Variants in CCNDBP1 observed in about 807,000 individuals in gnomAD.
CCNDBP1 encodes cyclin D1 binding protein 1.
Under a neutral mutation model 46.2 loss-of-function variants are expected in CCNDBP1, and 45 were observed. That is an observed-to-expected ratio of 0.97 (90% confidence interval 0.77 to 1.25). The LOEUF is 1.25. CCNDBP1 is among the 50% of genes most tolerant of loss of function. The pLI is 0.00. For synonymous variants in CCNDBP1, 154 were observed against 163.6 expected (o/e 0.94, Z 0.45); for missense variants, 436 against 442.1 (o/e 0.99, Z 0.12).
intron 6 of CCNDBP1, 54 bp from the exon 7 acceptor site, chr15:43,190,912 G>A: frequency 7.1e-7 from 1 of 1,400,428 alleles, no homozygotes; most frequent in Non-Finnish European, 1.0e-6. Context: ...GCAGTCATAA[G>A]AAAATTGTTG....
intron 2 of CCNDBP1, 28 bp from the exon 3 acceptor site, chr15:43,186,126 A>ACCTG (rs769235234): frequency 2.5e-6 from 4 of 1,605,690 alleles, no homozygotes; most frequent in Non-Finnish European, 2.6e-6. Flanking sequence ...ACGTATTGGC[A>ACCTG]CCTGCCTCCT....
chr15:43,187,245 A>G (rs2041866763), intron 3 of CCNDBP1, among the ~76,000 whole-genome samples: 1 of 150,218 alleles, frequency 6.7e-6, no homozygotes, highest in Non-Finnish European at 1.5e-5. Flanking sequence ...ACAGTGATAA[A>G]CTCTCTCCTC....
At position 43,185,575 on chromosome 15, in the gene CCNDBP1, A is replaced by G; in HGVS notation, c.77A>G (p.Glu26Gly). The stretch of plus-strand genomic sequence containing the variant: ...TTGGAGCAGCTCCGGCACTTGGCGG[A>G]GGAGCTGCGGTTGCTCCTGCCTCGA... The part of the protein sequence containing the change: ...SPLEQLRHLA[E>G]ELRLLLPRVR... Residue 26 changes from glutamate to glycine, a missense_variant, in exon 1 of 11, where the codon GAG (glutamate) becomes GGG (glycine). Coordinates refer to ENST00000300213, the MANE Select transcript of CCNDBP1 (RefSeq NM_012142.5). The G allele has an allele frequency of 6.4e-7, 1 of 1,573,748 alleles. No homozygotes were observed. Among genetic ancestry groups the G allele is most frequent in the Non-Finnish European group, 8.6e-7 (1 of 1,162,356 alleles).
At chr15:43,192,826 T>A in intron 9 of CCNDBP1, 23 bp downstream of exon 9, 4 of 1,607,004 alleles carry the variant, frequency 2.5e-6, no homozygotes, top group Non-Finnish European at 3.4e-6. Flanking sequence ...TTTGAGGGAA[T>A]AGCTACAGAA....
chr15:43,197,133 G>T lies in CCNDBP1; in HGVS notation c.*2292G>T. On this transcript the variant is annotated 3_prime_UTR_variant, in exon 11 of 11. Transcript: ENST00000300213. ...TGAAGCCCTCACTGTTTCTTGTACA[G>T]CCTGCAGAGCCGTGAGCCAAATAAA... The T allele has an allele frequency of 1.1e-6, 1 of 889,470 alleles. No homozygotes were observed. Among genetic ancestry groups the T allele is most frequent in the Non-Finnish European group, 1.7e-6 (1 of 571,550 alleles). 55.1% of individuals were successfully genotyped at this position (889,470 alleles called of 1,614,324 possible). A position where few individuals can be genotyped will look rare whatever the true frequency, so the allele number is the denominator to read the frequency against.
At position 43,191,242 on chromosome 15, in the gene CCNDBP1, G is replaced by C. The variant is rs1267330682; in HGVS notation, c.580-153G>C. On this transcript the variant is annotated intron_variant, in intron 7 of 10. Transcript: ENST00000300213. The stretch of plus-strand genomic sequence containing the variant: ...TACTGGACAAGGAGAGCGAGAACAG[G>C]GTTTATGAAGTGATTCAACTCTGTA... Among the ~76,000 whole-genome samples the C allele has an allele frequency of 3.9e-5, 6 of 152,214 alleles. No individual in the cohort carries two copies. In the East Asian group the frequency reaches 1.2e-3, roughly 29 times the overall value.
At chr15:43,185,993 G>A (rs2041819990) in intron 2 of CCNDBP1, 114 bp downstream of exon 2, 2 of 1,211,436 alleles carry the variant, frequency 1.7e-6, no homozygotes, top group Non-Finnish European at 2.4e-6. Context: ...CATCCTTTCT[G>A]TGAGGTACCT....
At position 43,185,518 on chromosome 15, in the gene CCNDBP1, C is replaced by T. The variant is rs777655444; in HGVS notation, c.20C>T (p.Pro7Leu). Reference sequence around the variant, plus strand: ...ACTGAGATGGCGAGCGCAACTGCACCTGCAGCCGCAGTCCCCACCCTGGCT... The same window carrying T: ...ACTGAGATGGCGAGCGCAACTGCACTTGCAGCCGCAGTCCCCACCCTGGCT... MASATAPAAAVPTLASP... is the reference protein window; with the variant it reads MASATALAAAVPTLASP... Residue 7 changes from proline (P) to leucine (L), a missense_variant, in exon 1 of 11, where the codon CCT becomes CTT. By Grantham distance (98) the Pro-to-Leu change is moderately conservative. Coordinates refer to ENST00000300213, the MANE Select transcript of CCNDBP1 (RefSeq NM_012142.5). 35 of 1,595,100 alleles carry T rather than the reference C, an allele frequency of 2.2e-5. No homozygotes were observed. The African/African-American group carries it at 3.6e-4, about 16-fold the overall frequency.
At chr15:43,190,921 T>G in intron 6 of CCNDBP1, 45 bp from the exon 7 acceptor site, 2 of 1,470,724 alleles carry the variant, frequency 1.4e-6, no homozygotes, top group Non-Finnish European at 9.5e-7. Flanking sequence ...AGAAAATTGT[T>G]GGATTTCTCC....
At chr15:43,186,072 A>C in intron 2 of CCNDBP1, 82 bp from the exon 3 acceptor site, 2 of 1,366,142 alleles carry the variant, frequency 1.5e-6, no homozygotes, top group Admixed American at 1.7e-5. Flanking sequence ...GTTTTTGAGA[A>C]GTCTCGGTCG....
intron 8 of CCNDBP1, among the ~76,000 whole-genome samples, chr15:43,192,458 A>G (rs2041969162): frequency 6.6e-6 from 1 of 152,196 alleles, no homozygotes; most frequent in Non-Finnish European, 1.5e-5. Flanking sequence ...TGCCTATATT[A>G]GTTATTAAAC....
In CCNDBP1 at chr15:43,185,816, CA is replaced by C; in HGVS notation, c.110-2del. ...GTTCGGCCCCCACACGCCACACCCA[CA>C]AGTCGGCGAAGCCCAGGAGACCACC... On this transcript the variant is annotated splice_region_variant and splice_polypyrimidine_tract_variant and intron_variant, in intron 1 of 10. Transcript: ENST00000300213. 1 of 1,610,588 alleles carries C rather than the reference CA, an allele frequency of 6.2e-7. No homozygotes were observed. The highest frequency in any genetic ancestry group is 1.1e-5 in the South Asian group (1 of 91,006).
chr15:43,189,850 C>A (rs1444267732), intron 4 of CCNDBP1: 4 of 539,926 alleles, frequency 7.4e-6, no homozygotes, highest in Non-Finnish European at 1.3e-5. Context: ...TGTTCCAAAT[C>A]TCTTTTGAAG....
intron 6 of CCNDBP1, among the ~76,000 whole-genome samples, 183 bp from the exon 7 acceptor site, chr15:43,190,783 C>T (rs1026689534): frequency 6.6e-6 from 1 of 152,128 alleles, no homozygotes; most frequent in African/African-American, 2.4e-5. Flanking sequence ...GAATAAAATA[C>T]AAGCTTTTTA....
chr15:43,185,545 C>T lies in CCNDBP1; in HGVS notation c.47C>T (p.Ser16Leu), dbSNP rs1215165011. ...APAAAVPTLA[S>L]PLEQLRHLAE... is the part of the protein sequence containing the mutation. ...GCAGCCGCAGTCCCCACCCTGGCTT[C>T]GCCTTTGGAGCAGCTCCGGCACTTG... Residue 16 changes from serine (S) to leucine (L), a missense_variant, in exon 1 of 11, where the codon TCG becomes TTG. Transcript: ENST00000300213. 1 of 1,596,416 alleles carries T rather than the reference C, an allele frequency of 6.3e-7. No homozygotes were observed.
chr15:43,190,487 T>A (rs1328337340), intron 6 of CCNDBP1, 89 bp downstream of exon 6: 21 of 935,996 alleles, frequency 2.2e-5, no homozygotes, highest in Non-Finnish European at 3.5e-5. Flanking sequence ...TGTATTTGAA[T>A]TTATATAAAC....
rs1007614006 is a variant in CCNDBP1, at chr15:43,195,251, G to T, written c.*410G>T. ...CCAGAAATACAGTGGATTGAGACTA[G>T]AACATTGCTTTCATTTGGGTTTGTA... On this transcript the variant is annotated 3_prime_UTR_variant, in exon 11 of 11. Coordinates refer to ENST00000300213, the MANE Select transcript of CCNDBP1 (RefSeq NM_012142.5). 1 of 155,606 alleles carries T rather than the reference G, an allele frequency of 6.4e-6. No individual in the cohort carries two copies. Among genetic ancestry groups the T allele is most frequent in the Non-Finnish European group, 1.4e-5 (1 of 70,600 alleles). The allele number at this position is 155,606 out of a possible 1,614,324, so 9.6% of individuals were successfully genotyped here.
chr15:43,190,159 T>C lies in CCNDBP1; in HGVS notation c.428+8T>C. On this transcript the variant is annotated splice_region_variant and intron_variant, in intron 5 of 10. Transcript: ENST00000300213. The stretch of plus-strand genomic sequence containing the variant: ...CGTCACTCCAACTCAGAGGTAGTGA[T>C]GCCACAGTTTAGGTTACCAGTTATT... 1 of 1,613,054 alleles carries C rather than the reference T, an allele frequency of 6.2e-7. No individual in the cohort carries two copies. Among genetic ancestry groups the C allele is most frequent in the Non-Finnish European group, 8.5e-7 (1 of 1,179,108 alleles).
chr15:43,196,947 A>G lies in CCNDBP1; in HGVS notation c.*2106A>G. The G allele has an allele frequency of 3.0e-6, 1 of 336,916 alleles. No homozygotes were observed. The highest frequency in any genetic ancestry group is 5.8e-6 in the Non-Finnish European group (1 of 173,070). The allele number at this position is 336,916 out of a possible 1,614,324, so 20.9% of individuals were successfully genotyped here. A position where few individuals can be genotyped will look rare whatever the true frequency, so the allele number is the denominator to read the frequency against. ...AATGGCTTCGTTCCATTGGTGGGGT[A>G]ATGAGTAAGTTCTCGCTCTATATGT... On this transcript the variant is annotated 3_prime_UTR_variant, in exon 11 of 11. Coordinates refer to ENST00000300213, the MANE Select transcript of CCNDBP1 (RefSeq NM_012142.5).
Sources: gnomAD v4.1 joint callset for allele counts (sites outside exome capture counted in the v4.1 genomes callset) on GRCh38, gnomAD v4.1.1 for gene constraint, MANE v1.5 for transcripts, NCBI Gene and HGNC (gene_info 2026-07-23, HGNC 2026-07-21) for gene names.